The following FER1L5 variants were observed in gnomAD, a reference collection of about 807,000 sequenced individuals.
The protein encoded by FER1L5 is fer-1 like family member 5.
A neutral mutation model predicts 279.9 loss-of-function variants in FER1L5; 187 were observed. The ratio of observed to expected loss-of-function variants is 0.67; its 90% CI spans 0.59 to 0.75. The LOEUF is 0.75. FER1L5 is among the 30% of genes least tolerant of loss of function. The pLI is 0.00. For synonymous variants in FER1L5, 921 were observed against 989.7 expected (o/e 0.93, Z 1.30); for missense variants, 2,091 against 2,594.4 (o/e 0.81, Z 4.21).
intron 4 of FER1L5, 69 bp from the exon 5 acceptor site, chr2:96,649,554 G>T: frequency 6.8e-7 from 1 of 1,477,948 alleles, no homozygotes; most frequent in South Asian, 1.2e-5. Context: ...ACCAGGCTGT[G>T]CAGGGCTTGG....
In FER1L5 at chr2:96,704,607, C is replaced by T. The variant is rs773363998; in HGVS notation, c.6089C>T (p.Thr2030Ile). The change falls in exon 53 of 53, where the codon ACA (threonine) becomes ATA (isoleucine). Residue 2030 changes from threonine to isoleucine, a missense_variant. Thr to Ile is a moderately conservative substitution (Grantham distance 89). Coordinates refer to ENST00000624922, the MANE Select transcript of FER1L5 (RefSeq NM_001293083.2). ...ACCCAGGATCCAAACCTAAAGCCTA[C>T]AATAGACCATGAGTGGAAACTCCAC... ...LPTQDPNLKPTIDHEWKLHPG... is the reference protein window; with the variant it reads ...LPTQDPNLKPIIDHEWKLHPG... The T allele has an allele frequency of 1.9e-6, 3 of 1,613,970 alleles. No individual in the cohort carries two copies. The highest frequency in any genetic ancestry group is 1.7e-5 in the Admixed American group (1 of 60,020).
At chr2:96,695,256 C>T (rs1483855378) in intron 34 of FER1L5, 3 of 477,250 alleles carry the variant, frequency 6.3e-6, no homozygotes, top group Non-Finnish European at 7.3e-6. Flanking sequence ...GAGGATGCAG[C>T]CAGTGGCCAG....
chr2:96,644,936 C>T (rs947115157), intron 1 of FER1L5, among the ~76,000 whole-genome samples: 5 of 152,202 alleles, frequency 3.3e-5, no homozygotes, highest in East Asian at 1.9e-4. Context: ...CACCATCTTT[C>T]TCATTCCAGA....
At chr2:96,687,649 A>G in intron 23 of FER1L5, 167 bp from the exon 24 acceptor site, 2 of 1,084,888 alleles carry the variant, frequency 1.8e-6, no homozygotes, top group Non-Finnish European at 2.6e-6. Context: ...TCTGGAGGGC[A>G]GAACAGAACT....
At chr2:96,703,660 G>C in intron 51 of FER1L5, 28 bp downstream of exon 51, 1 of 1,606,230 alleles carries the variant, frequency 6.2e-7, no homozygotes, top group Non-Finnish European at 8.5e-7. Flanking sequence ...AAAAGCACCA[G>C]ATCTTTCTTG....
At chr2:96,676,822 A>C (rs2076526825) in intron 19 of FER1L5, among the ~76,000 whole-genome samples, 1 of 152,160 alleles carries the variant, frequency 6.6e-6, no homozygotes, top group Non-Finnish European at 1.5e-5. Flanking sequence ...ATTACAGTAT[A>C]ATTGCATTGA....
Position 96,659,290 on chromosome 2 carries a change from T to TGCCTTCCTTCCTTCC in FER1L5, c.748-1051_748-1050insGCCTTCCTTCCTTCC. 1.5e-3 allele frequency among the ~76,000 whole-genome samples: 123 copies of TGCCTTCCTTCCTTCC among 81,030 alleles called. 10 individuals carry two copies. Among genetic ancestry groups the TGCCTTCCTTCCTTCC allele is most frequent in the African/African-American group, 4.7e-3 (95 of 20,368 alleles). The allele number at this position is 81,030 out of a possible 152,430, so 53.2% of individuals were successfully genotyped here. On this transcript the variant is annotated intron_variant, in intron 9 of 52. Coordinates refer to ENST00000624922, the MANE Select transcript of FER1L5 (RefSeq NM_001293083.2). ...TTTGATGAAGTCCAATTTATCAAGCTTTCCTTCCTTCCTTCCTTCCTTCCT... is the reference window on the plus strand; with the variant it reads ...TTTGATGAAGTCCAATTTATCAAGCTGCCTTCCTTCCTTCCTTCCTTCCTTCCTTCCTTCCTTCCT...
intron 19 of FER1L5, among the ~76,000 whole-genome samples, chr2:96,674,087 AG>A (rs1432291095): frequency 1.3e-5 from 2 of 152,252 alleles, no homozygotes; most frequent in East Asian, 3.8e-4. Flanking sequence ...ATATTCACAG[AG>A]TCGTACAACC....
intron 23 of FER1L5, 123 bp from the exon 24 acceptor site, chr2:96,687,693 T>C: frequency 2.9e-5 from 41 of 1,420,134 alleles, no homozygotes; most frequent in Non-Finnish European, 3.9e-5. Flanking sequence ...AGCACTCAGC[T>C]CAGTGAGGGC....
intron 37 of FER1L5, among the ~76,000 whole-genome samples, chr2:96,697,160 T>G (rs1394250297): frequency 6.6e-6 from 1 of 152,196 alleles, no homozygotes; most frequent in African/African-American, 2.4e-5. Flanking sequence ...GGTCCCCAAC[T>G]ATTGCTCTAA....
Position 96,684,446 on chromosome 2 carries a change from C to G in FER1L5, c.1789C>G (p.Arg597Gly), listed in dbSNP as rs1208328139. ...CAACCTCCTCCACTTCACTCGGGAC[C>G]GCCTGGTGAGTGGTGCGGGAGCCGA... ...CLNLLHFTRD[R>G]LKANLDTLKS... Residue 597 changes from arginine to glycine, a missense_variant, in exon 20 of 53, where the codon CGC becomes GGC. Physicochemically the swap from Arg to Gly is moderately radical, Grantham distance 125. Coordinates refer to ENST00000624922, the MANE Select transcript of FER1L5 (RefSeq NM_001293083.2). 1 of 1,551,236 alleles carries G rather than the reference C, an allele frequency of 6.4e-7. No individual in the cohort carries two copies. The highest frequency in any genetic ancestry group is 1.4e-5 in the African/African-American group (1 of 73,030).
chr2:96,681,015 T>C (rs1006720750), intron 19 of FER1L5, among the ~76,000 whole-genome samples: 1 of 152,256 alleles, frequency 6.6e-6, no homozygotes, highest in Non-Finnish European at 1.5e-5. Context: ...TGAGCCGCCG[T>C]TGCCCTGCCT....
chr2:96,648,182 G>A (rs777562402), intron 4 of FER1L5, among the ~76,000 whole-genome samples: 82 of 152,228 alleles, frequency 5.4e-4, no homozygotes, highest in Non-Finnish European at 8.7e-4. Context: ...TCCAGCACCC[G>A]TGAGACAAGG....
At chr2:96,695,276 C>T (rs1286854375) in intron 34 of FER1L5, 2 of 534,908 alleles carry the variant, frequency 3.7e-6, no homozygotes, top group African/African-American at 4.0e-5. Context: ...GAGGTCACCT[C>T]CCTCATGGGT....
intron 31 of FER1L5, among the ~76,000 whole-genome samples, chr2:96,692,989 A>C (rs1192615444): frequency 7.9e-5 from 12 of 152,100 alleles, no homozygotes; most frequent in African/African-American, 2.7e-4. Context: ...CAGCCTGGCC[A>C]ACATGGTGAA....
At chr2:96,682,821 C>G (rs2076779876) in intron 19 of FER1L5, among the ~76,000 whole-genome samples, 2 of 152,216 alleles carry the variant, frequency 1.3e-5, no homozygotes, top group South Asian at 4.1e-4. Flanking sequence ...ACCCCAGCCT[C>G]CTGAGTAGCT....
rs2077044648 is a variant in FER1L5 at position 96,689,138 on chromosome 2, G to T, written c.2362-75G>T. 1 of 1,474,306 alleles carries T rather than the reference G, an allele frequency of 6.8e-7. No homozygotes were observed. The highest frequency in any genetic ancestry group is 2.7e-5 in the Admixed American group (1 of 37,644). 91.3% of individuals were successfully genotyped at this position (1,474,306 alleles called of 1,614,324 possible). On this transcript the variant is annotated intron_variant, in intron 24 of 52. Coordinates refer to ENST00000624922, the MANE Select transcript of FER1L5 (RefSeq NM_001293083.2). This position sits in a 1 kb window ranked among gnomAD's most constrained non-coding sequence, Gnocchi z 4.6. ...GATGCCCCTGCAGCCCAGAGTCAGG[G>T]GGCCCAGGGGAGGCCCATGTCCCCG...
intron 17 of FER1L5, 58 bp from the exon 18 acceptor site, chr2:96,670,061 G>A: frequency 4.5e-6 from 7 of 1,547,708 alleles, no homozygotes; most frequent in Non-Finnish European, 6.1e-6. Flanking sequence ...TTTCAAAGGA[G>A]ATTGGCCTGT....
At chr2:96,649,555 C>T in intron 4 of FER1L5, 68 bp from the exon 5 acceptor site, 2 of 1,480,338 alleles carry the variant, frequency 1.4e-6, no homozygotes, top group Non-Finnish European at 1.8e-6. Flanking sequence ...CCAGGCTGTG[C>T]AGGGCTTGGG....
Sources: allele counts gnomAD v4.1 joint callset (sites outside exome capture counted in the v4.1 genomes callset), GRCh38; gene constraint gnomAD v4.1.1; non-coding constraint Gnocchi (gnomAD v3.1); transcripts MANE v1.5; gene names NCBI Gene and HGNC (gene_info 2026-07-23, HGNC 2026-07-21).